Variants in KLHL2 observed in about 807,000 individuals in gnomAD.
KLHL2 encodes the protein kelch-like protein 2.
Under a neutral mutation model 75.8 loss-of-function variants are expected in KLHL2, and 15 were observed. That is an observed-to-expected ratio of 0.20 (90% CI 0.13 to 0.30). The LOEUF (loss-of-function observed/expected upper bound fraction) is 0.30, where lower values mean the gene tolerates loss of function less well. Ranked by LOEUF, KLHL2 falls within the 10% of genes least tolerant of loss-of-function variation. The pLI, the probability that KLHL2 is intolerant of heterozygous loss-of-function variation, is 1.00. For missense variants in KLHL2, 381 were observed against 741.0 expected (o/e 0.51, Z 5.64); for synonymous variants, 214 against 251.9 (o/e 0.85, Z 1.42).
chr4:165,259,509 C>CCTGT (rs1223443351), intron 4 of KLHL2, among the ~76,000 whole-genome samples: 1 of 152,244 alleles, frequency 6.6e-6, no homozygotes, highest in Admixed American at 6.5e-5. Context: ...GCAGGCTTGG[C>CCTGT]CTGTCCCATA....
chr4:165,272,871 AT>A (rs1408507258), intron 5 of KLHL2, among the ~76,000 whole-genome samples: 1 of 152,180 alleles, frequency 6.6e-6, no homozygotes, highest in Non-Finnish European at 1.5e-5. Context: ...TATGCCAAGA[AT>A]TTTTCATGAA....
At chr4:165,210,617 G>A (rs1025697982) in intron 1 of KLHL2, among the ~76,000 whole-genome samples, 1 of 152,168 alleles carries the variant, frequency 6.6e-6, no homozygotes, top group African/African-American at 2.4e-5. Flanking sequence ...CCTGAAAGAT[G>A]TGTAACTAAA....
chr4:165,272,988 C>A (rs73875273), intron 5 of KLHL2, among the ~76,000 whole-genome samples: 2,193 of 152,172 alleles, frequency 0.014, 44 homozygotes, highest in African/African-American at 0.049. Context: ...TGCTTTTATA[C>A]CATGCTTCTG....
intron 5 of KLHL2, chr4:165,278,603 A>C: frequency 6.2e-7 from 1 of 1,602,040 alleles, no homozygotes; most frequent in Non-Finnish European, 8.6e-7. Context: ...TTCTTTAGCA[A>C]GTTTTTCAAT....
intron 1 of KLHL2, among the ~76,000 whole-genome samples, chr4:165,211,827 G>A (rs1212988688): frequency 2.0e-5 from 3 of 152,164 alleles, no homozygotes; most frequent in Non-Finnish European, 4.4e-5. Flanking sequence ...CTGATGCTGG[G>A]AAATCACTCC....
chr4:165,294,486 T>C lies in KLHL2; in HGVS notation c.654+18T>C. 7.1e-7 allele frequency: 1 copy of C among 1,405,774 alleles called. No homozygotes were observed. The allele number at this position is 1,405,774 out of a possible 1,614,324, so 87.1% of individuals were successfully genotyped here. The stretch of plus-strand genomic sequence containing the variant: ...AAGAGAAGGTAAGGATATTTTTCTT[T>C]TCCCAGTGTGCAATGATGTTTCCCT... On this transcript the variant is annotated intron_variant, in intron 6 of 14. Transcript: ENST00000226725.
At chr4:165,307,132 A>G (rs61149197) in intron 9 of KLHL2, among the ~76,000 whole-genome samples, 10,893 of 152,128 alleles carry the variant, frequency 0.072, 1,084 homozygotes, top group African/African-American at 0.22. Flanking sequence ...ACATGATGAA[A>G]CCCCTTCTCT....
At position 165,310,744 on chromosome 4, in the gene KLHL2, A is replaced by G; in HGVS notation, c.1231A>G (p.Ser411Gly). 1 of 1,609,216 alleles carries G rather than the reference A, an allele frequency of 6.2e-7. No individual in the cohort carries two copies. The highest frequency in any genetic ancestry group is 8.5e-7 in the Non-Finnish European group (1 of 1,176,376). The change falls in exon 10 of 15, where the codon AGT (serine) becomes GGT (glycine). Residue 411 changes from serine to glycine, a missense_variant. Physicochemically the swap from Ser to Gly is moderately conservative, Grantham distance 56 (BLOSUM62 0). Coordinates refer to ENST00000226725, the MANE Select transcript of KLHL2 (RefSeq NM_007246.4). ...LLYAVGGFDGSTGLSSVEAYN... is the reference protein window; with the variant it reads ...LLYAVGGFDGGTGLSSVEAYN... ...ATACGCTGTGGGAGGCTTTGATGGG[A>G]GTACAGGTAATTTCCTTTTCATTTA...
intron 4 of KLHL2, among the ~76,000 whole-genome samples, chr4:165,262,794 G>T (rs1741799813): frequency 6.6e-6 from 1 of 152,090 alleles, no homozygotes; most frequent in Admixed American, 6.6e-5. Flanking sequence ...GCCCAGCCTG[G>T]TCTCAAACTT....
intron 2 of KLHL2, among the ~76,000 whole-genome samples, 154 bp from the exon 3 acceptor site, chr4:165,228,653 C>T (rs985713676): frequency 2.0e-4 from 30 of 152,118 alleles, no homozygotes; most frequent in African/African-American, 7.2e-4. Context: ...TTTCTATGTA[C>T]TTCATGTTTA....
chr4:165,297,864 C>A, intron 7 of KLHL2, 139 bp downstream of exon 7: 1 of 650,774 alleles, frequency 1.5e-6, no homozygotes, highest in Non-Finnish European at 2.8e-6. Context: ...TAAAGGACCC[C>A]GCAGGCTGGA....
intron 5 of KLHL2, among the ~76,000 whole-genome samples, chr4:165,280,411 A>G (rs1743573250): frequency 6.6e-6 from 1 of 152,236 alleles, no homozygotes. Flanking sequence ...AATTTAGGCT[A>G]GGAATCACTG....
chr4:165,269,354 A>G (rs1468999913), intron 5 of KLHL2, among the ~76,000 whole-genome samples: 1 of 152,106 alleles, frequency 6.6e-6, no homozygotes, highest in Non-Finnish European at 1.5e-5. Flanking sequence ...TCCTGTCATT[A>G]TGATGTTAGC....
At chr4:165,273,017 G>A (rs1742815497) in intron 5 of KLHL2, among the ~76,000 whole-genome samples, 1 of 152,082 alleles carries the variant, frequency 6.6e-6, no homozygotes, top group Non-Finnish European at 1.5e-5. Flanking sequence ...ATTTGCTTGA[G>A]TTTCTTAGGT....
At chr4:165,256,929 A>G (rs1283402306) in intron 4 of KLHL2, among the ~76,000 whole-genome samples, 2 of 152,166 alleles carry the variant, frequency 1.3e-5, no homozygotes, top group Non-Finnish European at 2.9e-5. Flanking sequence ...TATTAGAAAC[A>G]TTTTTCCAAG....
chr4:165,277,778 C>A (rs1248616844), intron 5 of KLHL2: 2 of 583,902 alleles, frequency 3.4e-6, no homozygotes, highest in African/African-American at 3.9e-5. Flanking sequence ...CACACACACA[C>A]ACACACACCA....
At chr4:165,293,361 A>G (rs528510061) in intron 5 of KLHL2, among the ~76,000 whole-genome samples, 1 of 152,132 alleles carries the variant, frequency 6.6e-6, no homozygotes, top group Non-Finnish European at 1.5e-5. Context: ...AGGGAAAAAA[A>G]TTTTTTAAGT....
At chr4:165,224,227 T>TAA (rs374702315) in intron 2 of KLHL2, among the ~76,000 whole-genome samples, 5 of 124,792 alleles carry the variant, frequency 4.0e-5, no homozygotes, top group Non-Finnish European at 3.5e-5. Context: ...TAAAATAAAT[T>TAA]AAAAAAAAAA....
At chr4:165,304,860 T>C (rs915302344) in intron 8 of KLHL2, among the ~76,000 whole-genome samples, 2 of 152,250 alleles carry the variant, frequency 1.3e-5, no homozygotes, top group Admixed American at 6.5e-5. Flanking sequence ...CCATGTCTTA[T>C]ATTTCTTATG....
Sources: allele counts gnomAD v4.1 joint callset (sites outside exome capture counted in the v4.1 genomes callset), GRCh38; gene constraint gnomAD v4.1.1; transcripts MANE v1.5; gene names NCBI Gene and HGNC (gene_info 2026-07-23, HGNC 2026-07-21).